Variants in SMTN observed in about 807,000 individuals in gnomAD.
The protein encoded by SMTN is smoothelin.
In SMTN, 58 loss-of-function variants were observed where a neutral mutation model predicts 102.0. The observed-to-expected ratio is 0.57, with a 90% CI of 0.46 to 0.71. The LOEUF (loss-of-function observed/expected upper bound fraction) is 0.71. SMTN is among the 30% of genes least tolerant of loss of function. The probability of loss-of-function intolerance (pLI) is 0.00; values close to 1 mark genes in which losing one functional copy is unlikely to be tolerated. For missense variants in SMTN, 1,185 were observed against 1,241.7 expected, an observed-to-expected ratio of 0.95 and a Z score of 0.69; for synonymous variants, 478 against 497.9, an observed-to-expected ratio of 0.96 and a Z score of 0.53.
chr22:31,066,516 A>G (rs1167238823), intron 1 of SMTN: 1 of 152,070 alleles, frequency 6.6e-6, no homozygotes, highest in Non-Finnish European at 1.5e-5. Flanking sequence ...CTGTGTTACC[A>G]TGCTGGTGTC....
intron 1 of SMTN, among the ~76,000 whole-genome samples, chr22:31,070,111 T>C (rs895527846): frequency 3.9e-5 from 6 of 152,090 alleles, no homozygotes; most frequent in Non-Finnish European, 8.8e-5. Flanking sequence ...AACTGAAGCG[T>C]ATGCAAATCA....
At chr22:31,070,633 A>AT (rs1399041484) in intron 1 of SMTN, among the ~76,000 whole-genome samples, 3 of 152,176 alleles carry the variant, frequency 2.0e-5, no homozygotes, top group Non-Finnish European at 4.4e-5. Context: ...TTTAAAAATT[A>AT]TTTAAGCCAG....
rs968327400 is a variant in SMTN, at chr22:31,084,886, G to T, written c.51+1577G>T. The T allele has an allele frequency of 7.4e-5, 86 of 1,155,908 alleles. No individual in the cohort carries two copies. The African/African-American group carries it at 1.3e-3, about 18-fold the overall frequency. 71.6% of individuals were successfully genotyped at this position (1,155,908 alleles called of 1,614,324 possible). ...ATTACTGCGCCCCGCGCGCCGGCCC[G>T]GCCCCCGCTGGCCTCGTGGCAAGAA... On this transcript the variant is annotated intron_variant, in intron 2 of 20. Transcript: ENST00000333137.
intron 1 of SMTN, chr22:31,065,164 CA>C (rs1325585891): frequency 2.6e-5 from 4 of 152,056 alleles, no homozygotes; most frequent in African/African-American, 9.7e-5. Context: ...TGCATCAGAT[CA>C]GGGGCTACTT....
intron 11 of SMTN, chr22:31,092,390 A>G (rs946528695): frequency 2.8e-5 from 13 of 457,698 alleles, no homozygotes; most frequent in Non-Finnish European, 5.1e-5. Context: ...AGGGGCGCCA[A>G]TCAGGTGAGG....
At position 31,087,965 on chromosome 22, in the gene SMTN, C is replaced by G. The variant is rs35798200; in HGVS notation, c.52C>G (p.Leu18Val). The change falls in exon 3 of 21, where the codon CTG (leucine) becomes GTG (valine). Residue 18 changes from leucine to valine, a missense_variant and splice_region_variant. This residue lies in a region of SMTN where 1,096 missense variants were observed against 1,112.7 expected (regional missense o/e 0.98). Transcript: ENST00000333137. Reference protein sequence around the residue: ...GLDEGALRKLLEVTADLAERR... With the variant: ...GLDEGALRKLVEVTADLAERR... ...GACCTGCCTCTCGCACCCACTGCAGCTGGAGGTCACAGCAGATCTGGCAGA... is the reference window on the plus strand; with the variant it reads ...GACCTGCCTCTCGCACCCACTGCAGGTGGAGGTCACAGCAGATCTGGCAGA... The G allele has an allele frequency of 3.0e-5, 47 of 1,587,476 alleles. No individual in the cohort carries two copies. The African/African-American group carries it at 5.8e-4, about 20-fold the overall frequency.
intron 20 of SMTN, chr22:31,102,873 A>C (rs1208006012): frequency 6.6e-6 from 1 of 152,320 alleles, no homozygotes; most frequent in Non-Finnish European, 1.5e-5. Flanking sequence ...ATCATGGTAC[A>C]GCTCGGGAAA....
At chr22:31,090,778 A>G (rs1273381749) in intron 8 of SMTN, 30 bp from the exon 9 acceptor site, 3 of 1,553,342 alleles carry the variant, frequency 1.9e-6, no homozygotes, top group Non-Finnish European at 2.7e-6. Flanking sequence ...CTTTCCCCAC[A>G]TGGCCATCAC....
chr22:31,083,268 G>A lies in SMTN; in HGVS notation c.10G>A (p.Glu4Lys), dbSNP rs747443546. ...GCTAGGGGCCAGCGAGATGGCGGAC[G>A]AGGCCTTAGCTGGGCTGGATGAGGG... MAD[E>K]ALAGLDEGAL... Residue 4 changes from glutamate to lysine, a missense_variant, in exon 2 of 21, where the codon GAG becomes AAG. Physicochemically the swap from Glu to Lys is moderately conservative, Grantham distance 56. Transcript: ENST00000333137. 3.1e-5 allele frequency: 50 copies of A among 1,595,888 alleles called. No individual in the cohort carries two copies. Among genetic ancestry groups the A allele is most frequent in the Middle Eastern group, 2.1e-4 (1 of 4,778 alleles).
At chr22:31,096,600 C>T in intron 13 of SMTN, 133 bp from the exon 14 acceptor site, 1 of 945,030 alleles carries the variant, frequency 1.1e-6, no homozygotes, top group Non-Finnish European at 1.5e-6. Flanking sequence ...TAGAGAGGCC[C>T]TTGTTACCTG....
Position 31,090,894 on chromosome 22 carries a change from C to T in SMTN, c.937+15C>T, listed in dbSNP as rs1341364943. The T allele has an allele frequency of 6.2e-7, 1 of 1,613,904 alleles. No individual in the cohort carries two copies. Among genetic ancestry groups the T allele is most frequent in the South Asian group, 1.1e-5 (1 of 91,082 alleles). Reference sequence around the variant, plus strand: ...CCAGAACCGAGGTACTACCTATTCTCACCCTGCCTAGGATCTGTGCAGACC... The same window carrying T: ...CCAGAACCGAGGTACTACCTATTCTTACCCTGCCTAGGATCTGTGCAGACC... On this transcript the variant is annotated intron_variant, in intron 9 of 20. Coordinates refer to ENST00000333137, the MANE Select transcript of SMTN (RefSeq NM_134269.3).
rs563421415 is a variant in SMTN at position 31,096,921 on chromosome 22, C to T, written c.2026+24C>T. The T allele has an allele frequency of 1.5e-5, 24 of 1,609,768 alleles. No individual in the cohort carries two copies. The South Asian group carries it at 1.8e-4, about 12-fold the overall frequency. On this transcript the variant is annotated intron_variant, in intron 14 of 20. Coordinates refer to ENST00000333137, the MANE Select transcript of SMTN (RefSeq NM_134269.3). ...CAGTAAGGGGCCAAATGGGGCCGGC[C>T]CAGGGCTCAGGGTGGGAACACATCC...
At position 31,095,966 on chromosome 22, in the gene SMTN, C is replaced by G; in HGVS notation, c.1861+357C>G. The G allele has an allele frequency of 2.8e-6, 1 of 358,904 alleles. No individual in the cohort carries two copies. Among genetic ancestry groups the G allele is most frequent in the Non-Finnish European group, 5.2e-6 (1 of 193,640 alleles). The allele number at this position is 358,904 out of a possible 1,614,324, so 22.2% of individuals were successfully genotyped here. ...CTCCTTCTCCCTGCTGCTCCTCTCT[C>G]CCTGAAGTCCATTGATGGCCATCTT... On this transcript the variant is annotated intron_variant, in intron 13 of 20. Coordinates refer to ENST00000333137, the MANE Select transcript of SMTN (RefSeq NM_134269.3). This position sits in a 1 kb window ranked among gnomAD's most constrained non-coding sequence, Gnocchi z 4.1.
chr22:31,067,673 GC>G, intron 1 of SMTN: 1 of 150,416 alleles, frequency 6.6e-6, no homozygotes, highest in Non-Finnish European at 1.5e-5. Context: ...TCCTGCCTCA[GC>G]CTCCTGAGTA....
intron 1 of SMTN, chr22:31,064,721 A>G (rs984732294): frequency 6.6e-6 from 1 of 152,160 alleles, no homozygotes; most frequent in Non-Finnish European, 1.5e-5. Context: ...TTTGGTGTTT[A>G]ATTTTGAAAT....
At chr22:31,084,594 G>A (rs1032810266) in intron 2 of SMTN, among the ~76,000 whole-genome samples, 1 of 152,228 alleles carries the variant, frequency 6.6e-6, no homozygotes, top group Non-Finnish European at 1.5e-5. Flanking sequence ...CGTAGAGGCA[G>A]CACAGTCCAA....
chr22:31,091,347 G>T lies in SMTN; in HGVS notation c.1324G>T (p.Ala442Ser). 1 of 1,606,328 alleles carries T rather than the reference G, an allele frequency of 6.2e-7. No homozygotes were observed. The highest frequency in any genetic ancestry group is 8.5e-7 in the Non-Finnish European group (1 of 1,178,460). Reference sequence around the variant, plus strand: ...TGTGGCACGTTCAGAGGAGCCTGGTGCCCCGCTGCCCGTGGCCGTCGGCAC... The same window carrying T: ...TGTGGCACGTTCAGAGGAGCCTGGTTCCCCGCTGCCCGTGGCCGTCGGCAC... ...GPVARSEEPG[A>S]PLPVAVGTAE... Residue 442 changes from alanine to serine, a missense_variant, in exon 10 of 21, where the codon GCC (alanine) becomes TCC (serine). Ala to Ser is a moderately conservative substitution (Grantham distance 99). Around this residue, in one of 2 missense-constraint regions of SMTN, gnomAD observed 1,096 missense variants for 1,112.7 expected, o/e 0.98. Coordinates refer to ENST00000333137, the MANE Select transcript of SMTN (RefSeq NM_134269.3).
chr22:31,091,016 G>A lies in SMTN; in HGVS notation c.993G>A (p.Arg331=), dbSNP rs267606223. The A allele has an allele frequency of 7.4e-6, 12 of 1,613,894 alleles. No individual in the cohort carries two copies. Among genetic ancestry groups the A allele is most frequent in the Middle Eastern group, 1.6e-4 (1 of 6,084 alleles). The change falls in exon 10 of 21, where the codon CGG becomes CGA. Residue 331 remains arginine, a synonymous_variant. Coordinates refer to ENST00000333137, the MANE Select transcript of SMTN (RefSeq NM_134269.3). ...PSSFQRAGSV[R]DRVHKFTSDS... is the part of the protein sequence containing the mutation. ...CATTCCAGCGGGCTGGCTCTGTGCG[G>A]GATCGTGTCCACAAGTTCACATCTG...
chr22:31,094,979 G>A lies in SMTN; in HGVS notation c.1633-324G>A, dbSNP rs8137452. Among the ~76,000 whole-genome samples the A allele has an allele frequency of 2.9e-3, 445 of 152,240 alleles. 3 individuals are homozygous for A. The highest frequency in any genetic ancestry group is 0.01 in the African/African-American group (434 of 41,534). On this transcript the variant is annotated intron_variant, in intron 11 of 20. Coordinates refer to ENST00000333137, the MANE Select transcript of SMTN (RefSeq NM_134269.3). ...TGACATTACAGGCATGAGCCACTGCGCCCGGCCTTCCCTTCTGTTAAATAG... is the reference window on the plus strand; with the variant it reads ...TGACATTACAGGCATGAGCCACTGCACCCGGCCTTCCCTTCTGTTAAATAG...
Sources: gnomAD v4.1 joint callset for allele counts (sites outside exome capture counted in the v4.1 genomes callset) on GRCh38, gnomAD v4.1.1 for gene constraint, gnomAD v4.1.1 regional missense constraint, Gnocchi (gnomAD v3.1) non-coding constraint, MANE v1.5 for transcripts, NCBI Gene and HGNC (gene_info 2026-07-23, HGNC 2026-07-21) for gene names.